CD44: variants seen among roughly 807,000 people sequenced by gnomAD.
CD44 encodes CD44 molecule (IN blood group), also known as CD44 antigen.
In CD44, 49 loss-of-function variants were observed where a neutral mutation model predicts 88.8. The ratio of observed to expected loss-of-function variants is 0.55; its 90% CI spans 0.44 to 0.70. CD44 has a LOEUF of 0.70. Among genes scored for constraint, CD44 ranks in the 30% least tolerant of loss-of-function variants. The pLI is 0.00. For synonymous variants in CD44, 325 were observed against 312.3 expected, an observed-to-expected ratio of 1.04 and a Z score of -0.43; for missense variants, 883 against 913.8, an observed-to-expected ratio of 0.97 and a Z score of 0.43.
intron 1 of CD44, among the ~76,000 whole-genome samples, chr11:35,170,609 C>G (rs2133520800): frequency 6.6e-6 from 1 of 152,324 alleles, no homozygotes; most frequent in South Asian, 2.1e-4. Context: ...ACATTTTATT[C>G]ATTACATGAT....
intron 11 of CD44, 161 bp downstream of exon 11, chr11:35,206,404 T>C (rs1299396478): frequency 4.8e-6 from 3 of 625,878 alleles, no homozygotes; most frequent in Admixed American, 3.7e-5. Flanking sequence ...GTGATACTCA[T>C]ATTCACCTGA....
chr11:35,215,611 CG>C (rs1463306281), intron 15 of CD44, among the ~76,000 whole-genome samples: 1 of 152,066 alleles, frequency 6.6e-6, no homozygotes. Flanking sequence ...CGGCCAGGCA[CG>C]GTGGCTCACA....
At chr11:35,224,107 A>G (rs1476305271) in intron 17 of CD44, among the ~76,000 whole-genome samples, 1 of 152,216 alleles carries the variant, frequency 6.6e-6, no homozygotes, top group Non-Finnish European at 1.5e-5. Flanking sequence ...AGACACTGTT[A>G]TATAAATTAT....
At position 35,219,127 on chromosome 11, in the gene CD44, C is replaced by G. The variant is rs529411272; in HGVS notation, c.1874-189C>G. 5 of 594,902 alleles carry G rather than the reference C, an allele frequency of 8.4e-6. No homozygotes were observed. The Admixed American group carries it at 8.5e-5, about 10-fold the overall frequency. The allele number at this position is 594,902 out of a possible 1,614,324, so 36.9% of individuals were successfully genotyped here. ...CTTGACACAAAATAACATTACTAAG[C>G]CTTAGCCTTAATCAAATGAGGTGGG... On this transcript the variant is annotated intron_variant, in intron 15 of 17. Transcript: ENST00000428726.
At chr11:35,171,841 CA>C (rs112643797) in intron 1 of CD44, among the ~76,000 whole-genome samples, 11,479 of 138,110 alleles carry the variant, frequency 0.083, 549 homozygotes, top group South Asian at 0.21. Context: ...GATTAAGTAA[CA>C]AAAAAAAAAA....
chr11:35,167,913 A>G (rs1250002822), intron 1 of CD44, among the ~76,000 whole-genome samples: 1 of 152,236 alleles, frequency 6.6e-6, no homozygotes, highest in Non-Finnish European at 1.5e-5. Flanking sequence ...GGCTACGACT[A>G]GGTTTGGGCT....
At chr11:35,196,713 T>G (rs563917263) in intron 5 of CD44, 33 bp from the exon 6 acceptor site, 17 of 1,607,350 alleles carry the variant, frequency 1.1e-5, no homozygotes, top group Middle Eastern at 3.3e-4. Context: ...TTAATTAATC[T>G]TTCAACAATC....
intron 3 of CD44, among the ~76,000 whole-genome samples, chr11:35,182,005 AT>A (rs1445140433): frequency 8.5e-6 from 1 of 117,306 alleles, no homozygotes; most frequent in African/African-American, 3.3e-5. Context: ...ATATTTATAT[AT>A]ATGTATATAT....
At chr11:35,215,119 A>T (rs1222121910) in intron 15 of CD44, 1 of 394,556 alleles carries the variant, frequency 2.5e-6, no homozygotes, top group Admixed American at 4.4e-5. Flanking sequence ...GTGGAGCCCA[A>T]GCATTTGCAT....
At chr11:35,173,553 C>T (rs1446708675) in intron 1 of CD44, among the ~76,000 whole-genome samples, 1 of 132,264 alleles carries the variant, frequency 7.6e-6, no homozygotes, top group Non-Finnish European at 1.7e-5. Context: ...TTGTTATTTT[C>T]CCCCCATGTG....
At chr11:35,148,976 A>G (rs547241745) in intron 1 of CD44, among the ~76,000 whole-genome samples, 7 of 151,932 alleles carry the variant, frequency 4.6e-5, no homozygotes, top group Non-Finnish European at 8.8e-5. Flanking sequence ...TGTTCTCTGC[A>G]CTCTCTTCAG....
chr11:35,224,605 C>T (rs766893209), intron 17 of CD44, among the ~76,000 whole-genome samples: 101 of 152,088 alleles, frequency 6.6e-4, no homozygotes, highest in Non-Finnish European at 1.3e-3. Flanking sequence ...GGCATAGTGG[C>T]GCATGCCTGT....
Position 35,176,628 on chromosome 11 carries a change from C to A in CD44, c.121C>A (p.Arg41Ser), listed in dbSNP as rs757127128. ...TGTATTCCACGTGGAGAAAAATGGT[C>A]GCTACAGCATCTCTCGGACGGAGGC... ...AGVFHVEKNG[R>S]YSISRTEAAD... The change falls in exon 2 of 18, where the codon CGC becomes AGC. Residue 41 changes from arginine (R) to serine (S), a missense_variant. Physicochemically the swap from Arg to Ser is moderately radical, Grantham distance 110 (BLOSUM62 -1). Coordinates refer to ENST00000428726, the MANE Select transcript of CD44 (RefSeq NM_000610.4). 1.2e-6 allele frequency: 2 copies of A among 1,614,004 alleles called. No individual in the cohort carries two copies.
rs201806997 is a variant in CD44, at chr11:35,221,646, C to T, written c.1946-8C>T. 6 of 1,612,032 alleles carry T rather than the reference C, an allele frequency of 3.7e-6. No individual in the cohort carries two copies. Among genetic ancestry groups the T allele is most frequent in the Non-Finnish European group, 5.1e-6 (6 of 1,178,178 alleles). On this transcript the variant is annotated splice_polypyrimidine_tract_variant and splice_region_variant and intron_variant, in intron 16 of 17. Coordinates refer to ENST00000428726, the MANE Select transcript of CD44 (RefSeq NM_000610.4). Reference sequence around the variant, plus strand: ...GCTCACGCATGTCATTTAATTTACTCATACCAGAATGGCTGATCATCTTGG... The same window carrying T: ...GCTCACGCATGTCATTTAATTTACTTATACCAGAATGGCTGATCATCTTGG...
At chr11:35,166,838 C>T (rs769977911) in intron 1 of CD44, among the ~76,000 whole-genome samples, 5 of 152,238 alleles carry the variant, frequency 3.3e-5, no homozygotes, top group Admixed American at 1.3e-4. Flanking sequence ...AGGGCAATTC[C>T]GGGAGAGACT....
intron 4 of CD44, among the ~76,000 whole-genome samples, chr11:35,188,080 G>T (rs1945872253): frequency 6.6e-6 from 1 of 152,148 alleles, no homozygotes; most frequent in South Asian, 2.1e-4. Flanking sequence ...TGATCTTACG[G>T]CCTCTGAGCT....
intron 1 of CD44, among the ~76,000 whole-genome samples, chr11:35,155,700 A>G (rs1941772095): frequency 6.6e-6 from 1 of 152,172 alleles, no homozygotes; most frequent in Non-Finnish European, 1.5e-5. Flanking sequence ...CCATCTCAGC[A>G]CTGTTGGAGC....
chr11:35,154,287 AGGT>A (rs1287712739), intron 1 of CD44, among the ~76,000 whole-genome samples: 3 of 152,134 alleles, frequency 2.0e-5, no homozygotes, highest in Admixed American at 1.3e-4. Context: ...GTGTCTTTCA[AGGT>A]CATACAGGTG....
At chr11:35,170,901 C>T (rs1347262831) in intron 1 of CD44, among the ~76,000 whole-genome samples, 1 of 152,206 alleles carries the variant, frequency 6.6e-6, no homozygotes, top group Non-Finnish European at 1.5e-5. Flanking sequence ...CACATCTTAA[C>T]CTTGCCTTAA....
Sources: gnomAD v4.1 joint callset for allele counts (sites outside exome capture counted in the v4.1 genomes callset) on GRCh38, gnomAD v4.1.1 for gene constraint, MANE v1.5 for transcripts, NCBI Gene and HGNC (gene_info 2026-07-23, HGNC 2026-07-21) for gene names.